The following USP28 variants were observed in gnomAD, a reference collection of about 807,000 sequenced individuals.
USP28 encodes ubiquitin carboxyl-terminal hydrolase 28.
Under a neutral mutation model 145.0 loss-of-function variants are expected in USP28, and 113 were observed. The observed-to-expected ratio is 0.78, with a 90% confidence interval of 0.67 to 0.91. The LOEUF is 0.91. Among genes scored for constraint, USP28 ranks in the 40% least tolerant of loss-of-function variants. The pLI is 0.00. For synonymous variants in USP28, 447 were observed against 450.9 expected, an observed-to-expected ratio of 0.99 and a Z score of 0.11; for missense variants, 1,201 against 1,289.6, an observed-to-expected ratio of 0.93 and a Z score of 1.05.
exon 5 of USP28, chr11:113,840,707 C>T: frequency 6.2e-7 from 1 of 1,614,220 alleles, no homozygotes; most frequent in Non-Finnish European, 8.5e-7. Flanking sequence ...CCAGACTTCA[C>T]AGCGTTTTCT....
exon 14 of USP28, chr11:113,815,219 T>G (rs1443906884): frequency 6.2e-7 from 1 of 1,613,994 alleles, no homozygotes; most frequent in African/African-American, 1.3e-5. Context: ...TGAAGACAGG[T>G]CTTAACAAAA....
exon 16 of USP28, chr11:113,812,469 T>G: frequency 6.2e-7 from 1 of 1,614,118 alleles, no homozygotes; most frequent in Non-Finnish European, 8.5e-7. Context: ...TTGCTTGTCC[T>G]TCATGAACAA....
exon 14 of USP28, chr11:113,815,201 T>A: frequency 6.2e-7 from 1 of 1,614,140 alleles, no homozygotes; most frequent in Non-Finnish European, 8.5e-7. Flanking sequence ...ATCTCACTCC[T>A]CCATCTCTGA....
intron 10 of USP28, 101 bp downstream of exon 10, chr11:113,829,096 T>G: frequency 6.6e-7 from 1 of 1,505,258 alleles, no homozygotes; most frequent in Non-Finnish European, 9.1e-7. Flanking sequence ...CTGCTAAGTG[T>G]AAAGTTACTT....
At chr11:113,810,240 C>T (rs2513575) in intron 16 of USP28, among the ~76,000 whole-genome samples, 114,934 of 152,014 alleles carry the variant, frequency 0.76, 44,462 homozygotes, top group East Asian at 0.89. Flanking sequence ...TTTATACCAC[C>T]AACTTTCATA....
In USP28 at chr11:113,834,246, T is replaced by TA; in HGVS notation, c.621+2dup. ...GTGAAGAAATTCCTTGACACCAACT[T>TA]ACTGTATGACTTCGACAATTTTCAA... On this transcript the variant is annotated splice_region_variant and intron_variant, in intron 6 of 24. Transcript: ENST00000003302. The TA allele has an allele frequency of 6.2e-7, 1 of 1,607,694 alleles. No homozygotes were observed. Among genetic ancestry groups the TA allele is most frequent in the Non-Finnish European group, 8.5e-7 (1 of 1,176,638 alleles).
intron 1 of USP28, among the ~76,000 whole-genome samples, chr11:113,872,331 A>G (rs1301778895): frequency 1.3e-5 from 2 of 152,116 alleles, no homozygotes; most frequent in East Asian, 3.9e-4. Context: ...CTAAAAATAC[A>G]GAAACATCAG....
At chr11:113,860,076 A>G (rs985816210) in intron 1 of USP28, among the ~76,000 whole-genome samples, 1 of 152,252 alleles carries the variant, frequency 6.6e-6, no homozygotes, top group Non-Finnish European at 1.5e-5. Context: ...ACCTTAAGCT[A>G]TCAAGTTTCT....
At chr11:113,873,496 G>A (rs1181469117) in intron 1 of USP28, among the ~76,000 whole-genome samples, 1 of 152,204 alleles carries the variant, frequency 6.6e-6, no homozygotes, top group Non-Finnish European at 1.5e-5. Flanking sequence ...AACGGAGAAT[G>A]CTGAAATAGG....
chr11:113,838,972 G>C (rs1271596610), intron 5 of USP28, among the ~76,000 whole-genome samples: 1 of 152,174 alleles, frequency 6.6e-6, no homozygotes, highest in Non-Finnish European at 1.5e-5. Flanking sequence ...GGTTGCATTG[G>C]GGCTATGTAA....
rs191676969 is a variant in USP28 at position 113,807,515 on chromosome 11, T to C, written c.2304+783A>G. On this transcript the variant is annotated intron_variant, in intron 18 of 24. Coordinates refer to ENST00000003302, the Ensembl canonical transcript of USP28. ...CTTGGGGTTCTATAGCTTCTTCCTA[T>C]AGAATTCCTTTACAATTAAAAATAA... is the stretch of plus-strand genomic sequence containing the variant. Among the ~76,000 whole-genome samples the C allele has an allele frequency of 6.1e-3, 929 of 152,304 alleles. 3 individuals are homozygous for C. Among genetic ancestry groups the C allele is most frequent in the Middle Eastern group, 0.024 (7 of 294 alleles).
In USP28 at chr11:113,835,125, T is replaced by C. The variant is rs1226262973; in HGVS notation, c.535-790A>G. On this transcript the variant is annotated intron_variant, in intron 5 of 24. Transcript: ENST00000003302. ...CTCCTTGTCATAGTATTGTATTTTT[T>C]AAAAGTTTAACAGCAGATGGTAGAA... 6 of 376,284 alleles carry C rather than the reference T, an allele frequency of 1.6e-5. No homozygotes were observed. In the Admixed American group the frequency reaches 2.1e-4, roughly 13 times the overall value. 23.3% of individuals were successfully genotyped at this position (376,284 alleles called of 1,614,324 possible).
intron 13 of USP28, among the ~76,000 whole-genome samples, chr11:113,816,122 C>T (rs1005610886): frequency 1.3e-5 from 2 of 152,158 alleles, no homozygotes; most frequent in African/African-American, 4.8e-5. Context: ...TGCAGGTCAA[C>T]AAACCAGCAG....
At chr11:113,831,774 CATG>C in intron 8 of USP28, 143 bp downstream of exon 8, 2 of 570,262 alleles carry the variant, frequency 3.5e-6, no homozygotes, top group South Asian at 6.0e-5. Context: ...GACAGGGATA[CATG>C]ATGAGGACTA....
chr11:113,875,505 C>G, exon 1 of USP28: 2 of 1,172,666 alleles, frequency 1.7e-6, no homozygotes, highest in Non-Finnish European at 2.1e-6. Context: ...CAGTCATGGC[C>G]GAGGCGCCCA....
At chr11:113,823,466 T>C in intron 12 of USP28, 139 bp downstream of exon 12, 1 of 686,730 alleles carries the variant, frequency 1.5e-6, no homozygotes, top group South Asian at 2.0e-5. Flanking sequence ...TGCTTCACAC[T>C]TAGACAAAAA....
chr11:113,831,039 T>TTCA, intron 8 of USP28, 96 bp from the exon 9 acceptor site: 2 of 1,258,196 alleles, frequency 1.6e-6, no homozygotes, highest in Non-Finnish European at 2.3e-6. Context: ...ATAGTGCATT[T>TTCA]TCATCAACCC....
Position 113,802,887 on chromosome 11 carries a change from A to C in USP28, c.2862+271T>G, listed in dbSNP as rs969552694. On this transcript the variant is annotated intron_variant, in intron 23 of 24. Coordinates refer to ENST00000003302, the Ensembl canonical transcript of USP28. ...TACAACCTAGTAGGAAAGCAATGTG[A>C]TAAAATCTATAATGCAGGCATACAT... Among the ~76,000 whole-genome samples, 3 of 152,226 alleles carry C rather than the reference A, an allele frequency of 2.0e-5. No homozygotes were observed. The East Asian group carries it at 5.8e-4, about 29-fold the overall frequency.
intron 15 of USP28, 116 bp from the exon 16 acceptor site, chr11:113,812,620 T>C (rs1290254358): frequency 1.1e-6 from 1 of 883,256 alleles, no homozygotes; most frequent in Non-Finnish European, 1.7e-6. Context: ...TATTAAAACA[T>C]CTTGTTGATT....
Sources: gnomAD v4.1 joint callset for allele counts (sites outside exome capture counted in the v4.1 genomes callset) on GRCh38, gnomAD v4.1.1 for gene constraint, MANE v1.5 for transcripts, NCBI Gene and HGNC (gene_info 2026-07-23, HGNC 2026-07-21) for gene names.